Variants in KCNIP4 observed in about 807,000 individuals in gnomAD.
The protein encoded by KCNIP4 is potassium voltage-gated channel interacting protein 4, also known as Kv channel-interacting protein 4.
A neutral mutation model predicts 34.0 loss-of-function variants in KCNIP4; 12 were observed. The ratio of observed to expected loss-of-function variants is 0.35; its 90% CI spans 0.23 to 0.57. KCNIP4 has a LOEUF of 0.57. KCNIP4 is among the 20% of genes least tolerant of loss of function. The pLI is 0.83. For synonymous variants in KCNIP4, 124 were observed against 102.2 expected (o/e 1.21, Z -1.29); for missense variants, 238 against 311.7 (o/e 0.76, Z 1.78).
rs1344266200 is a variant in KCNIP4 at position 21,582,023 on chromosome 4, GAATA to G, written c.61+366544_61+366547del. The G allele has an allele frequency of 6.3e-4, 91 of 145,566 alleles. No individual in the cohort carries two copies. In the South Asian group the frequency reaches 0.018, roughly 29 times the overall value. 9.0% of individuals were successfully genotyped at this position (145,566 alleles called of 1,614,324 possible). On this transcript the variant is annotated intron_variant, in intron 1 of 8. Coordinates refer to ENST00000382152, the MANE Select transcript of KCNIP4 (RefSeq NM_025221.6). ...GGGCATAGAAGAATAGAATAGAATA[GAATA>G]GAATGGAATGGAATGGAATGGAATG... is the stretch of plus-strand genomic sequence containing the variant.
intron 1 of KCNIP4, among the ~76,000 whole-genome samples, chr4:21,375,399 C>T (rs763739727): frequency 9.2e-5 from 14 of 152,108 alleles, no homozygotes; most frequent in Middle Eastern, 6.3e-3. Context: ...TTTTCTGAGC[C>T]TCAGTTTCTT....
rs148878094 is a variant in KCNIP4, at chr4:21,555,234, G to A, written c.61+393337C>T. Reference sequence around the variant, plus strand: ...GGTCACCCTCCAAGTCACTGCAATGGAGAAGCCAAATCATCAATGCAGAGA... The same window carrying A: ...GGTCACCCTCCAAGTCACTGCAATGAAGAAGCCAAATCATCAATGCAGAGA... On this transcript the variant is annotated intron_variant, in intron 1 of 8. Coordinates refer to ENST00000382152, the MANE Select transcript of KCNIP4 (RefSeq NM_025221.6). Among the ~76,000 whole-genome samples, 66 of 152,270 alleles carry A rather than the reference G, an allele frequency of 4.3e-4. 2 individuals carry two copies. In the South Asian group the frequency reaches 5.8e-3, roughly 13 times the overall value.
At chr4:21,536,239 C>T (rs910462838) in intron 1 of KCNIP4, among the ~76,000 whole-genome samples, 1 of 151,976 alleles carries the variant, frequency 6.6e-6, no homozygotes, top group Non-Finnish European at 1.5e-5. Flanking sequence ...GCTGAGGCTA[C>T]GTATTTGAGA....
intron 1 of KCNIP4, among the ~76,000 whole-genome samples, chr4:21,786,003 C>A (rs1719883440): frequency 6.6e-6 from 1 of 152,178 alleles, no homozygotes; most frequent in African/African-American, 2.4e-5. Flanking sequence ...GGAATGAGTG[C>A]AGTGGCACTA....
chr4:20,770,138 A>G (rs902475021), intron 3 of KCNIP4, among the ~76,000 whole-genome samples: 3 of 152,146 alleles, frequency 2.0e-5, no homozygotes, highest in Non-Finnish European at 2.9e-5. Context: ...TTTGGTTTTC[A>G]TAGCAGTTTT....
chr4:20,920,072 ATTC>A (rs1417271668), intron 1 of KCNIP4, among the ~76,000 whole-genome samples: 16 of 152,344 alleles, frequency 1.1e-4, no homozygotes, highest in African/African-American at 3.6e-4. Flanking sequence ...TTATTACACC[ATTC>A]TTAAGTAATT....
intron 3 of KCNIP4, among the ~76,000 whole-genome samples, chr4:20,800,519 G>A (rs1452279471): frequency 1.3e-5 from 2 of 152,080 alleles, no homozygotes; most frequent in East Asian, 3.9e-4. Context: ...ATACACATAG[G>A]CGATTCAATG....
intron 2 of KCNIP4, among the ~76,000 whole-genome samples, chr4:20,857,727 A>T (rs1218985669): frequency 2.6e-5 from 4 of 151,722 alleles, no homozygotes; most frequent in African/African-American, 9.7e-5. Flanking sequence ...AATAATGATA[A>T]CCTCTCCTCT....
chr4:21,383,027 C>A (rs1328760215), intron 1 of KCNIP4, among the ~76,000 whole-genome samples: 1 of 152,118 alleles, frequency 6.6e-6, no homozygotes, highest in Admixed American at 6.6e-5. Flanking sequence ...AGGGTGGGCT[C>A]TAATCCAATG....
At chr4:21,200,424 A>T (rs1025812562) in intron 1 of KCNIP4, among the ~76,000 whole-genome samples, 2 of 148,132 alleles carry the variant, frequency 1.4e-5, no homozygotes, top group East Asian at 4.0e-4. Context: ...ATATATATAC[A>T]TTACATACAT....
At chr4:20,812,326 G>A (rs1715872646) in intron 3 of KCNIP4, among the ~76,000 whole-genome samples, 1 of 152,144 alleles carries the variant, frequency 6.6e-6, no homozygotes, top group Non-Finnish European at 1.5e-5. Flanking sequence ...GACCAGGAGG[G>A]CAGGTGAGGT....
chr4:20,966,921 T>C (rs564276137), intron 1 of KCNIP4, among the ~76,000 whole-genome samples: 7 of 152,182 alleles, frequency 4.6e-5, no homozygotes, highest in African/African-American at 1.7e-4. Context: ...GGTATTATGA[T>C]GATTTTCATC....
intron 1 of KCNIP4, among the ~76,000 whole-genome samples, chr4:21,765,136 A>T (rs1718322465): frequency 6.8e-6 from 1 of 147,156 alleles, no homozygotes; most frequent in Admixed American, 6.8e-5. Context: ...GCTTTTTGTC[A>T]TTGTTTTATT....
At chr4:21,170,836 T>A (rs539596075) in intron 1 of KCNIP4, among the ~76,000 whole-genome samples, 1 of 152,332 alleles carries the variant, frequency 6.6e-6, no homozygotes, top group Non-Finnish European at 1.5e-5. Context: ...TCCTATTTCA[T>A]AGATATGGAA....
At chr4:21,501,685 G>T (rs1733352733) in intron 1 of KCNIP4, among the ~76,000 whole-genome samples, 1 of 47,268 alleles carries the variant, frequency 2.1e-5, no homozygotes, top group Non-Finnish European at 4.7e-5. Flanking sequence ...GAATGCAGAA[G>T]CCTTGTGTGT....
At chr4:20,974,543 G>GT (rs1735294015) in intron 1 of KCNIP4, among the ~76,000 whole-genome samples, 1 of 152,086 alleles carries the variant, frequency 6.6e-6, no homozygotes, top group African/African-American at 2.4e-5. Context: ...GCTAAGGTAG[G>GT]TTTTTTCAAT....
rs34076146 is a variant in KCNIP4, at chr4:21,779,011, TGAGAGAGA to T, written c.61+169552_61+169559del. On this transcript the variant is annotated intron_variant, in intron 1 of 8. Transcript: ENST00000382152. ...GCATGAGTGTGCACGTGTGTGGGCATGAGAGAGAGAGAGAGAGAGAGAGAAGATTATAT... is the reference window on the plus strand; with the variant it reads ...GCATGAGTGTGCACGTGTGTGGGCATGAGAGAGAGAGAGAGAAGATTATAT... Among the ~76,000 whole-genome samples, 9 of 147,804 alleles carry T rather than the reference TGAGAGAGA, an allele frequency of 6.1e-5. No individual in the cohort carries two copies. In the South Asian group the frequency reaches 8.6e-4, roughly 14 times the overall value.
chr4:21,819,662 T>G (rs1157699722), intron 1 of KCNIP4, among the ~76,000 whole-genome samples: 4 of 152,178 alleles, frequency 2.6e-5, no homozygotes, highest in Non-Finnish European at 5.9e-5. Flanking sequence ...ATGATTTTTA[T>G]TTTTAAAAAA....
intron 1 of KCNIP4, among the ~76,000 whole-genome samples, chr4:21,815,380 A>T (rs1721931387): frequency 6.6e-6 from 1 of 152,206 alleles, no homozygotes; most frequent in South Asian, 2.1e-4. Context: ...TTGTAATGTT[A>T]TAAGTTAGGT....
Sources: gnomAD v4.1 joint callset for allele counts (sites outside exome capture counted in the v4.1 genomes callset) on GRCh38, gnomAD v4.1.1 for gene constraint, MANE v1.5 for transcripts, NCBI Gene and HGNC (gene_info 2026-07-23, HGNC 2026-07-21) for gene names.